Variants in STXBP5L observed in about 807,000 individuals in gnomAD.
STXBP5L encodes the protein syntaxin-binding protein 5-like.
In STXBP5L, 65 loss-of-function variants were observed where a neutral mutation model predicts 144.5. The ratio of observed to expected loss-of-function variants is 0.45; its 90% CI spans 0.37 to 0.55. The LOEUF is 0.55. Among genes scored for constraint, STXBP5L ranks in the 20% least tolerant of loss-of-function variants. The pLI is 0.00. For synonymous variants in STXBP5L, 505 were observed against 469.6 expected, an observed-to-expected ratio of 1.08 and a Z score of -0.97; for missense variants, 1,298 against 1,405.5, an observed-to-expected ratio of 0.92 and a Z score of 1.22.
chr3:121,113,330 C>A (rs1004411914), intron 5 of STXBP5L, among the ~76,000 whole-genome samples: 1 of 152,132 alleles, frequency 6.6e-6, no homozygotes, highest in African/African-American at 2.4e-5. Flanking sequence ...TTTCCTCTTT[C>A]TACCTAAGAT....
chr3:121,000,934 A>G (rs1249917203), intron 3 of STXBP5L, among the ~76,000 whole-genome samples: 3 of 152,174 alleles, frequency 2.0e-5, no homozygotes, highest in Admixed American at 6.5e-5. Context: ...GGTTGCTGGG[A>G]TCAAGCCTAT....
chr3:120,979,165 G>A (rs1021729728), intron 3 of STXBP5L, among the ~76,000 whole-genome samples: 1 of 152,232 alleles, frequency 6.6e-6, no homozygotes, highest in Non-Finnish European at 1.5e-5. Flanking sequence ...GCCTACAGAG[G>A]CAGGCAGGCC....
intron 7 of STXBP5L, among the ~76,000 whole-genome samples, chr3:121,148,291 TC>T (rs2045795599): frequency 6.6e-5 from 10 of 152,050 alleles, no homozygotes; most frequent in Admixed American, 6.6e-4. Context: ...GCACAAAAAA[TC>T]ACAACCAATT....
intron 19 of STXBP5L, among the ~76,000 whole-genome samples, chr3:121,286,118 G>C (rs1424315703): frequency 6.6e-6 from 1 of 152,152 alleles, no homozygotes. Flanking sequence ...TGTCTACATT[G>C]CTTGTGCATC....
intron 9 of STXBP5L, among the ~76,000 whole-genome samples, chr3:121,185,857 G>A (rs2047359166): frequency 6.6e-6 from 1 of 152,186 alleles, no homozygotes; most frequent in South Asian, 2.1e-4. Flanking sequence ...GCTTGATGGA[G>A]ATGGCATTGA....
intron 3 of STXBP5L, among the ~76,000 whole-genome samples, chr3:120,992,814 T>C (rs374662128): frequency 2.4e-4 from 37 of 152,128 alleles, no homozygotes; most frequent in African/African-American, 8.9e-4. Flanking sequence ...TTTGGATAAA[T>C]ACTCAGTAGT....
Position 121,254,907 on chromosome 3 carries a change from T to A in STXBP5L, c.1454T>A (p.Met485Lys). ...FWDASAITLQ[M>K]LYKLKTSKVF... ...CGATGTCTTATAGTAACTCTGCAGA[T>A]GCTGTACAAGCTAAAAACTTCAAAA... Residue 485 changes from methionine (M) to lysine (K), a missense_variant, in exon 16 of 27, where the codon ATG becomes AAG. Coordinates refer to ENST00000471454, the MANE Select transcript of STXBP5L (RefSeq NM_001308330.2). The A allele has an allele frequency of 6.2e-7, 1 of 1,611,954 alleles. No homozygotes were observed.
At chr3:120,962,425 C>A (rs188021697) in intron 3 of STXBP5L, among the ~76,000 whole-genome samples, 3 of 152,310 alleles carry the variant, frequency 2.0e-5, no homozygotes, top group Admixed American at 2.0e-4. Context: ...ACATGTAATT[C>A]TTTAATCCAT....
intron 9 of STXBP5L, among the ~76,000 whole-genome samples, chr3:121,163,514 A>T (rs2046395085): frequency 6.6e-6 from 1 of 152,106 alleles, no homozygotes; most frequent in Non-Finnish European, 1.5e-5. Flanking sequence ...GGGTGCAGCA[A>T]ACCACCATGG....
chr3:121,126,994 A>G (rs1577021287), intron 7 of STXBP5L, among the ~76,000 whole-genome samples: 1 of 152,182 alleles, frequency 6.6e-6, no homozygotes, highest in East Asian at 1.9e-4. Flanking sequence ...AAAATATTTT[A>G]TGTTGTTGTT....
In STXBP5L at chr3:121,407,351, A is replaced by T; in HGVS notation, c.2696A>T (p.Asp899Val). The T allele has an allele frequency of 1.2e-6, 2 of 1,612,994 alleles. No individual in the cohort carries two copies. The highest frequency in any genetic ancestry group is 2.7e-5 in the African/African-American group (2 of 74,984). Residue 899 changes from aspartate to valine, a missense_variant, in exon 23 of 27, where the codon GAT (aspartate) becomes GTT (valine). By Grantham distance (152) the Asp-to-Val change is radical (BLOSUM62 -3). Transcript: ENST00000471454. ...GTTTGGAGGGATCCAAACAACATAG[A>T]TGAAAATGAAAAATCTTGGAGAAGG... The part of the protein sequence containing the change: ...YEVWRDPNNI[D>V]ENEKSWRRKV...
chr3:120,908,457 GAGAGAC>G, intron 1 of STXBP5L, 123 bp downstream of exon 1: 1 of 156,376 alleles, frequency 6.4e-6, no homozygotes, highest in Non-Finnish European at 1.4e-5. Flanking sequence ...TTGAGAGAGA[GAGAGAC>G]AGAGAGAGAC....
At chr3:121,313,173 G>A (rs2043610186) in intron 19 of STXBP5L, among the ~76,000 whole-genome samples, 1 of 142,658 alleles carries the variant, frequency 7.0e-6, no homozygotes, top group African/African-American at 2.7e-5. Context: ...CCGGGCAGAG[G>A]CGCCCCTCAC....
At chr3:121,266,453 C>T (rs1460148615) in intron 18 of STXBP5L, among the ~76,000 whole-genome samples, 1 of 152,184 alleles carries the variant, frequency 6.6e-6, no homozygotes, top group Non-Finnish European at 1.5e-5. Flanking sequence ...TCTCAATAAA[C>T]TAGTAATTGA....
At chr3:120,969,909 T>G (rs924047005) in intron 3 of STXBP5L, among the ~76,000 whole-genome samples, 7 of 152,110 alleles carry the variant, frequency 4.6e-5, no homozygotes, top group African/African-American at 1.4e-4. Flanking sequence ...TAAGTGAATT[T>G]CTCTGGTAGT....
intron 3 of STXBP5L, among the ~76,000 whole-genome samples, chr3:121,023,754 A>T (rs1037865218): frequency 2.8e-4 from 43 of 152,292 alleles, no homozygotes; most frequent in African/African-American, 1.0e-3. Flanking sequence ...ACTTAAATCT[A>T]AGACCTGACA....
chr3:121,085,318 T>A (rs999368736), intron 5 of STXBP5L, among the ~76,000 whole-genome samples: 2 of 152,148 alleles, frequency 1.3e-5, no homozygotes, highest in Non-Finnish European at 2.9e-5. Flanking sequence ...TGGTATTGCC[T>A]GGATTTTCTC....
intron 5 of STXBP5L, among the ~76,000 whole-genome samples, chr3:121,113,489 A>G (rs915192842): frequency 1.3e-5 from 2 of 152,084 alleles, no homozygotes; most frequent in African/African-American, 4.8e-5. Context: ...CACAATTACT[A>G]TTGTCAATAG....
At chr3:121,011,324 A>G (rs1480554936) in intron 3 of STXBP5L, among the ~76,000 whole-genome samples, 3 of 151,146 alleles carry the variant, frequency 2.0e-5, no homozygotes, top group East Asian at 3.9e-4. Context: ...TCTAACATCC[A>G]TTTCTCAGTA....
Sources: gnomAD v4.1 joint callset for allele counts (sites outside exome capture counted in the v4.1 genomes callset) on GRCh38, gnomAD v4.1.1 for gene constraint, MANE v1.5 for transcripts, NCBI Gene and HGNC (gene_info 2026-07-23, HGNC 2026-07-21) for gene names.